Variants in CADM2 observed in about 807,000 individuals in gnomAD.
CADM2 encodes cell adhesion molecule 2, also known as immunoglobulin superfamily member 4D.
Under a neutral mutation model 49.8 loss-of-function variants are expected in CADM2, and 12 were observed. The ratio of observed to expected loss-of-function variants is 0.24; its 90% CI spans 0.15 to 0.39. The LOEUF is 0.39. CADM2 is among the 10% of genes least tolerant of loss of function. The pLI, the probability that CADM2 is intolerant of heterozygous loss-of-function variation, is 1.00. For synonymous variants in CADM2, 214 were observed against 175.4 expected, an observed-to-expected ratio of 1.22 and a Z score of -1.74; for missense variants, 378 against 492.3, an observed-to-expected ratio of 0.77 and a Z score of 2.20.
intron 8 of CADM2, among the ~76,000 whole-genome samples, chr3:86,007,798 T>C (rs1730975385): frequency 6.6e-6 from 1 of 152,186 alleles, no homozygotes. Context: ...TCAGTTTTAA[T>C]GTCCTGTTCA....
chr3:85,099,024 A>G (rs2037912487), intron 1 of CADM2, among the ~76,000 whole-genome samples: 1 of 152,218 alleles, frequency 6.6e-6, no homozygotes, highest in South Asian at 2.1e-4. Context: ...CTGTAATACA[A>G]TATGTAATCA....
At chr3:85,558,813 T>C (rs1174522939) in intron 1 of CADM2, among the ~76,000 whole-genome samples, 4 of 152,046 alleles carry the variant, frequency 2.6e-5, no homozygotes, top group Non-Finnish European at 2.9e-5. Flanking sequence ...TCTCGTTCAT[T>C]TGGAAGTCTT....
At chr3:85,755,094 T>C (rs1465500111) in intron 2 of CADM2, among the ~76,000 whole-genome samples, 1 of 152,166 alleles carries the variant, frequency 6.6e-6, no homozygotes, top group African/African-American at 2.4e-5. Flanking sequence ...TGATATATTA[T>C]CTAGAGTTAG....
At chr3:85,110,320 C>G (rs548939691) in intron 1 of CADM2, among the ~76,000 whole-genome samples, 18 of 151,842 alleles carry the variant, frequency 1.2e-4, no homozygotes, top group African/African-American at 4.3e-4. Flanking sequence ...ATCATTTGCA[C>G]TCTTCCTTTC....
At chr3:85,127,745 T>G (rs2039083333) in intron 1 of CADM2, among the ~76,000 whole-genome samples, 1 of 152,292 alleles carries the variant, frequency 6.6e-6, no homozygotes, top group African/African-American at 2.4e-5. Context: ...CCTTTAAGGA[T>G]TGATTTAGGT....
intron 1 of CADM2, among the ~76,000 whole-genome samples, chr3:84,969,662 G>T (rs1410142238): frequency 6.6e-6 from 1 of 151,632 alleles, no homozygotes; most frequent in Non-Finnish European, 1.5e-5. Context: ...ATAAATATTT[G>T]CAGTGACTTT....
intron 1 of CADM2, among the ~76,000 whole-genome samples, chr3:85,434,305 A>G (rs1462220541): frequency 1.3e-5 from 2 of 151,934 alleles, no homozygotes; most frequent in South Asian, 2.1e-4. Flanking sequence ...TTAGACTTCA[A>G]TTATCCTGGC....
At chr3:85,042,959 A>C (rs1489265124) in intron 1 of CADM2, among the ~76,000 whole-genome samples, 1 of 152,176 alleles carries the variant, frequency 6.6e-6, no homozygotes, top group East Asian at 1.9e-4. Flanking sequence ...GACCTGAAGA[A>C]ATAGACAAAG....
At chr3:85,320,740 A>C (rs888113263) in intron 1 of CADM2, among the ~76,000 whole-genome samples, 6 of 152,106 alleles carry the variant, frequency 3.9e-5, no homozygotes, top group African/African-American at 1.4e-4. Context: ...GTGCTGATAA[A>C]GCTTTTATTT....
intron 1 of CADM2, among the ~76,000 whole-genome samples, chr3:85,659,076 A>ATAATAATAATAATAC (rs2065312957): frequency 6.7e-6 from 1 of 148,758 alleles, no homozygotes. Context: ...AATAATAATA[A>ATAATAATAATAATAC]TAATAATAAC....
intron 1 of CADM2, among the ~76,000 whole-genome samples, chr3:85,619,044 GAA>G (rs62724860): frequency 4.7e-4 from 69 of 146,616 alleles, no homozygotes; most frequent in Non-Finnish European, 6.4e-4. Context: ...TGTCTCAAAA[GAA>G]AAAAAAAAAC....
At chr3:85,245,510 C>CA (rs397732524) in intron 1 of CADM2, among the ~76,000 whole-genome samples, 13,487 of 135,056 alleles carry the variant, frequency 0.1, 1,339 homozygotes, top group African/African-American at 0.26. Context: ...GGCTCTGTCT[C>CA]AAAAAAAAAA....
At chr3:85,090,506 C>A (rs1266875821) in intron 1 of CADM2, among the ~76,000 whole-genome samples, 1 of 152,044 alleles carries the variant, frequency 6.6e-6, no homozygotes, top group Non-Finnish European at 1.5e-5. Context: ...AGAATAGATA[C>A]AAAATATTTT....
intron 1 of CADM2, among the ~76,000 whole-genome samples, chr3:85,592,071 G>T (rs1268576642): frequency 1.3e-5 from 2 of 151,968 alleles, no homozygotes; most frequent in East Asian, 1.9e-4. Flanking sequence ...ATAATGTAAA[G>T]AATTGATTTG....
chr3:85,979,593 G>A (rs533225519), intron 8 of CADM2, among the ~76,000 whole-genome samples: 13 of 151,580 alleles, frequency 8.6e-5, no homozygotes, highest in Admixed American at 6.6e-4. Flanking sequence ...TGTCTTGAGA[G>A]GTAAACAAAT....
intron 1 of CADM2, among the ~76,000 whole-genome samples, chr3:85,487,689 A>T (rs1022926393): frequency 1.3e-5 from 2 of 151,744 alleles, no homozygotes; most frequent in African/African-American, 4.8e-5. Context: ...GCAAGAATGG[A>T]ATTTTCAAAG....
chr3:85,148,944 A>G (rs1380538064), intron 1 of CADM2, among the ~76,000 whole-genome samples: 1 of 152,132 alleles, frequency 6.6e-6, no homozygotes, highest in Non-Finnish European at 1.5e-5. Flanking sequence ...GTCTGCATGT[A>G]AGTGGACACG....
intron 1 of CADM2, among the ~76,000 whole-genome samples, chr3:85,050,891 A>G (rs374870231): frequency 6.6e-6 from 1 of 152,182 alleles, no homozygotes; most frequent in African/African-American, 2.4e-5. Flanking sequence ...TTCAAGTTAC[A>G]TATTCTAGGT....
At chr3:85,321,095 T>TATATAC (rs2044588951) in intron 1 of CADM2, among the ~76,000 whole-genome samples, 1 of 29,474 alleles carries the variant, frequency 3.4e-5, no homozygotes, top group South Asian at 1.1e-3. Context: ...TATATACATA[T>TATATAC]ATATATATAT....
Sources: allele counts gnomAD v4.1 joint callset (sites outside exome capture counted in the v4.1 genomes callset), GRCh38; gene constraint gnomAD v4.1.1; transcripts MANE v1.5; gene names NCBI Gene and HGNC (gene_info 2026-07-23, HGNC 2026-07-21).